The following LRP2 variants were observed in gnomAD, a reference collection of about 807,000 sequenced individuals.
The protein encoded by LRP2 is low-density lipoprotein receptor-related protein 2.
In LRP2, 172 loss-of-function variants were observed where a neutral mutation model predicts 531.0. The observed-to-expected ratio is 0.32, with a 90% CI of 0.29 to 0.37. LRP2 has a LOEUF of 0.37. LRP2 is among the 10% of genes least tolerant of loss of function. The pLI is 1.00. For synonymous variants in LRP2, 1,992 were observed against 2,027.6 expected (o/e 0.98, Z 0.47); for missense variants, 5,167 against 5,868.3 (o/e 0.88, Z 3.90).
At position 169,274,774 on chromosome 2, in the gene LRP2, CA is replaced by C. The variant is rs796588084; in HGVS notation, c.1975+261del. 5.3e-5 allele frequency among the ~76,000 whole-genome samples: 8 copies of C among 152,234 alleles called. No homozygotes were observed. The South Asian group carries it at 1.0e-3, about 20-fold the overall frequency. ...GCTGCTATACCCCCAAGCATCTTTG[CA>C]GGTGCTAATAAACATCTGTTAAATA... On this transcript the variant is annotated intron_variant, in intron 14 of 78. Coordinates refer to ENST00000649046, the MANE Select transcript of LRP2 (RefSeq NM_004525.3).
chr2:169,342,127 T>G (rs769667765), intron 1 of LRP2, among the ~76,000 whole-genome samples: 7 of 148,696 alleles, frequency 4.7e-5, no homozygotes, highest in Admixed American at 2.0e-4. Flanking sequence ...ATCAGTGAAC[T>G]AAAACAAAGA....
intron 15 of LRP2, among the ~76,000 whole-genome samples, chr2:169,272,188 A>C (rs996381881): frequency 1.3e-5 from 2 of 152,112 alleles, no homozygotes; most frequent in Non-Finnish European, 2.9e-5. Context: ...AGAAAGGAGA[A>C]ATGTAGAAGT....
rs1180689722 is a variant in LRP2, at chr2:169,229,254, C to T, written c.5227+2460G>A. On this transcript the variant is annotated intron_variant, in intron 31 of 78. Coordinates refer to ENST00000649046, the MANE Select transcript of LRP2 (RefSeq NM_004525.3). ...TGTCTTTTGAAGTTAAAGATCATCT[C>T]TTCATTTCTATTTTCCATGTCATAA... Among the ~76,000 whole-genome samples, 8 of 152,224 alleles carry T rather than the reference C, an allele frequency of 5.3e-5. No individual in the cohort carries two copies. In the East Asian group the frequency reaches 1.5e-3, roughly 29 times the overall value.
At chr2:169,274,952 C>T (rs1683513417) in intron 14 of LRP2, 84 bp downstream of exon 14, 1 of 1,314,596 alleles carries the variant, frequency 7.6e-7, no homozygotes, top group Admixed American at 1.7e-5. Context: ...ACATAAGACC[C>T]CTCATTATTA....
rs1685888740 is a variant in LRP2 at position 169,145,929 on chromosome 2, T to C, written c.12812-6A>G. ...CAGGCTGTAAGGGTTCATTGCTGCT[T>C]ACCCACAGGGGAAAAACAAAACAGA... is the stretch of plus-strand genomic sequence containing the variant. On this transcript the variant is annotated splice_polypyrimidine_tract_variant and splice_region_variant and intron_variant, in intron 69 of 78. Transcript: ENST00000649046. 6.2e-7 allele frequency: 1 copy of C among 1,613,974 alleles called. No homozygotes were observed. The highest frequency in any genetic ancestry group is 8.5e-7 in the Non-Finnish European group (1 of 1,179,910).
chr2:169,259,121 T>C lies in LRP2; in HGVS notation c.2417A>G (p.Lys806Arg), dbSNP rs1259891264. 1.2e-6 allele frequency: 2 copies of C among 1,612,614 alleles called. No homozygotes were observed. Among genetic ancestry groups the C allele is most frequent in the Admixed American group, 1.7e-5 (1 of 59,894 alleles). ...AGCTAGCCTCATGACACTGATACTC[T>C]TGTAATGAGAGTCTGTCCAATAGAG... ...KNLYWTDSHY[K>R]SISVMRLADK... Residue 806 changes from lysine to arginine, a missense_variant, in exon 17 of 79, where the codon AAG (lysine) becomes AGG (arginine). By Grantham distance (26) the Lys-to-Arg change is conservative. Around this residue, in one of 6 missense-constraint regions of LRP2, gnomAD observed 2,811 missense variants for 3,058.0 expected, o/e 0.92. Transcript: ENST00000649046.
chr2:169,170,490 T>G, intron 59 of LRP2, 61 bp downstream of exon 59: 1 of 1,305,228 alleles, frequency 7.7e-7, no homozygotes. Context: ...AAACACTAAT[T>G]TGAAGCCCCT....
chr2:169,268,742 G>A (rs905759833), intron 16 of LRP2, among the ~76,000 whole-genome samples: 1 of 152,316 alleles, frequency 6.6e-6, no homozygotes, highest in East Asian at 1.9e-4. Context: ...AGTGTTGGAA[G>A]TTCTGGCCAG....
At chr2:169,244,593 G>A in intron 22 of LRP2, 100 bp downstream of exon 22, 5 of 1,501,282 alleles carry the variant, frequency 3.3e-6, no homozygotes, top group Non-Finnish European at 4.6e-6. Context: ...AAGAGACAAT[G>A]AAAATTGCAT....
In LRP2 at chr2:169,206,889, G is replaced by A. The variant is rs770633378; in HGVS notation, c.6831C>T (p.Tyr2277=). 7 of 1,614,122 alleles carry A rather than the reference G, an allele frequency of 4.3e-6. No individual in the cohort carries two copies. Among genetic ancestry groups the A allele is most frequent in the Non-Finnish European group, 5.9e-6 (7 of 1,180,028 alleles). The part of the protein sequence containing the change: ...NSEVIRYGSR[Y]PTPYGITVFE... ...AAACAGTGATGCCATAAGGAGTTGG[G>A]TAACGACTGCCATAACGAATCACTT... Residue 2277 remains tyrosine (Y), a synonymous_variant, in exon 39 of 79, where the codon TAC becomes TAT. Transcript: ENST00000649046.
At chr2:169,228,707 G>C (rs767728801) in intron 31 of LRP2, among the ~76,000 whole-genome samples, 25 of 152,056 alleles carry the variant, frequency 1.6e-4, no homozygotes, top group African/African-American at 5.1e-4. Context: ...TACTGAGAAC[G>C]TTTACCACCA....
At chr2:169,244,326 G>T (rs12613980) in intron 22 of LRP2, among the ~76,000 whole-genome samples, 44,687 of 152,116 alleles carry the variant, frequency 0.29, 7,417 homozygotes, top group South Asian at 0.58. Context: ...AAATGAAAAA[G>T]AAACATCAAT....
chr2:169,204,396 C>T (rs1371152116), intron 41 of LRP2, 125 bp from the exon 42 acceptor site: 1 of 865,340 alleles, frequency 1.2e-6, no homozygotes, highest in Non-Finnish European at 1.9e-6. Flanking sequence ...TCAAATGGGG[C>T]ATATGGCAGC....
intron 49 of LRP2, among the ~76,000 whole-genome samples, chr2:169,187,538 T>C (rs1687676090): frequency 6.6e-6 from 1 of 152,168 alleles, no homozygotes; most frequent in Non-Finnish European, 1.5e-5. Flanking sequence ...CTGCTTTACT[T>C]GTGGTGGTTG....
chr2:169,276,808 A>G (rs917842934), intron 13 of LRP2, among the ~76,000 whole-genome samples: 2 of 152,208 alleles, frequency 1.3e-5, no homozygotes, highest in Admixed American at 6.5e-5. Context: ...GTTTTACCCA[A>G]TTTTTGAAAA....
At chr2:169,304,913 A>C (rs1489911234) in intron 4 of LRP2, among the ~76,000 whole-genome samples, 1 of 152,170 alleles carries the variant, frequency 6.6e-6, no homozygotes, top group East Asian at 1.9e-4. Flanking sequence ...TGTCTTTTAC[A>C]AGGACATGGA....
intron 1 of LRP2, among the ~76,000 whole-genome samples, chr2:169,357,576 C>T (rs745912577): frequency 1.3e-5 from 2 of 151,780 alleles, no homozygotes; most frequent in African/African-American, 2.4e-5. Context: ...ATGATCCTCC[C>T]GCCTCAGCAT....
rs911689159 is a variant in LRP2, at chr2:169,178,547, G to T, written c.10170-521C>A. On this transcript the variant is annotated intron_variant, in intron 52 of 78. Transcript: ENST00000649046. ...AACCTGAGGGGAACACAACTTACAG[G>T]CCTGCAGGGTTAACTTTGCAAACAC... Among the ~76,000 whole-genome samples the T allele has an allele frequency of 1.7e-4, 26 of 152,180 alleles. 2 individuals are homozygous for T. Among genetic ancestry groups the T allele is most frequent in the Non-Finnish European group, 2.9e-5 (2 of 68,034 alleles).
rs1034947075 is a variant in LRP2 at position 169,162,549 on chromosome 2, T to C, written c.11810A>G (p.Asn3937Ser). ...PCTEYEYKCGNGHCIPHDNVC... is the reference protein window; with the variant it reads ...PCTEYEYKCGSGHCIPHDNVC... ...ATTGTCATGTGGAATGCAATGCCCA[T>C]TGCCACACTTATATTCATATTCTGT... The change falls in exon 63 of 79, where the codon AAT becomes AGT. Residue 3937 changes from asparagine to serine, a missense_variant. This residue lies in a region of LRP2 where 564 missense variants were observed against 747.7 expected (regional missense o/e 0.75). Coordinates refer to ENST00000649046, the MANE Select transcript of LRP2 (RefSeq NM_004525.3). 6.2e-6 allele frequency: 10 copies of C among 1,614,184 alleles called. No individual in the cohort carries two copies. The highest frequency in any genetic ancestry group is 8.5e-6 in the Non-Finnish European group (10 of 1,179,998).
Sources: gnomAD v4.1 joint callset for allele counts (sites outside exome capture counted in the v4.1 genomes callset) on GRCh38, gnomAD v4.1.1 for gene constraint, gnomAD v4.1.1 regional missense constraint, MANE v1.5 for transcripts, NCBI Gene and HGNC (gene_info 2026-07-23, HGNC 2026-07-21) for gene names.